Variants in RNF11 observed in about 807,000 individuals in gnomAD.
RNF11 encodes ring finger protein 11.
A neutral mutation model predicts 15.8 loss-of-function variants in RNF11; 4 were observed. The observed-to-expected ratio is 0.25, with a 90% CI of 0.12 to 0.58. RNF11 has a LOEUF of 0.58. RNF11 is among the 20% of genes least tolerant of loss of function. The probability of loss-of-function intolerance (pLI) is 0.91; values close to 1 mark genes in which losing one functional copy is unlikely to be tolerated. For synonymous variants in RNF11, 68 were observed against 72.3 expected (o/e 0.94, Z 0.30); for missense variants, 139 against 194.4 (o/e 0.71, Z 1.70).
At chr1:51,237,034 C>T (rs1646806876) in intron 1 of RNF11, among the ~76,000 whole-genome samples, 155 bp downstream of exon 1, 1 of 152,114 alleles carries the variant, frequency 6.6e-6, no homozygotes, top group East Asian at 1.9e-4. Flanking sequence ...GCTCTCTGAT[C>T]TCAGAGTAAG....
intron 1 of RNF11, among the ~76,000 whole-genome samples, chr1:51,245,632 T>C (rs1485175723): frequency 6.6e-6 from 1 of 152,052 alleles, no homozygotes; most frequent in East Asian, 1.9e-4. Context: ...TTTGTATTTT[T>C]AGTAGAGATG....
At chr1:51,251,056 T>G (rs1281351874) in intron 1 of RNF11, 5 of 1,539,464 alleles carry the variant, frequency 3.2e-6, no homozygotes, top group Admixed American at 1.7e-5. Context: ...TTGGAGCACT[T>G]AACACCCAGA....
chr1:51,241,857 G>C (rs1259608776), intron 1 of RNF11, among the ~76,000 whole-genome samples: 7 of 152,176 alleles, frequency 4.6e-5, no homozygotes, highest in Admixed American at 2.0e-4. Flanking sequence ...AGCCCTGAAA[G>C]GCATATGTAA....
intron 1 of RNF11, among the ~76,000 whole-genome samples, chr1:51,252,911 C>T (rs1301729194): frequency 6.6e-6 from 1 of 151,584 alleles, no homozygotes; most frequent in Non-Finnish European, 1.5e-5. Flanking sequence ...ACTGCAACCT[C>T]CACCTCCCAG....
At chr1:51,264,317 T>TATATATATATACAC (rs376694497) in intron 1 of RNF11, among the ~76,000 whole-genome samples, 69 of 75,454 alleles carry the variant, frequency 9.1e-4, no homozygotes, top group Non-Finnish European at 1.3e-3. Context: ...TATATATATA[T>TATATATATATACAC]ACACACACAC....
intron 1 of RNF11, among the ~76,000 whole-genome samples, chr1:51,256,783 C>T (rs764398924): frequency 3.0e-4 from 45 of 152,156 alleles, no homozygotes; most frequent in Non-Finnish European, 5.9e-4. Flanking sequence ...AAGCGATTCT[C>T]GTGCCTTAGC....
At chr1:51,241,243 T>C (rs1646827820) in intron 1 of RNF11, among the ~76,000 whole-genome samples, 2 of 152,300 alleles carry the variant, frequency 1.3e-5, no homozygotes, top group African/African-American at 2.4e-5. Flanking sequence ...GCACTTCTAC[T>C]CTGCCTGGCT....
Position 51,272,693 on chromosome 1 carries a change from T to C in RNF11, c.*1371T>C, listed in dbSNP as rs1216233052. ...TTCATATGTACTCAAAGGTGACTTATTGGTTCACCTCAGTGATATTACAGC... is the reference window on the plus strand; with the variant it reads ...TTCATATGTACTCAAAGGTGACTTACTGGTTCACCTCAGTGATATTACAGC... On this transcript the variant is annotated 3_prime_UTR_variant, in exon 3 of 3. Coordinates refer to ENST00000242719, the MANE Select transcript of RNF11 (RefSeq NM_014372.5). 2 of 152,196 alleles carry C rather than the reference T, an allele frequency of 1.3e-5. No individual in the cohort carries two copies. Among genetic ancestry groups the C allele is most frequent in the Admixed American group, 6.5e-5 (1 of 15,272 alleles). The allele number at this position is 152,196 out of a possible 1,614,324, so 9.4% of individuals were successfully genotyped here. A position where few individuals can be genotyped will look rare whatever the true frequency, so the allele number is the denominator to read the frequency against.
At chr1:51,237,356 C>A (rs142603077) in intron 1 of RNF11, among the ~76,000 whole-genome samples, 1 of 151,152 alleles carries the variant, frequency 6.6e-6, no homozygotes, top group South Asian at 2.1e-4. Context: ...GGTTTTCCCT[C>A]TGCTTGGGAG....
At position 51,245,854 on chromosome 1, in the gene RNF11, C is replaced by G. The variant is rs536807582; in HGVS notation, c.123+8975C>G. On this transcript the variant is annotated intron_variant, in intron 1 of 2. Coordinates refer to ENST00000242719, the MANE Select transcript of RNF11 (RefSeq NM_014372.5). Reference sequence around the variant, plus strand: ...AATACATAAAAGACATATTTGCAAACGACTTGAGGCAAGAAAAGAAATACA... The same window carrying G: ...AATACATAAAAGACATATTTGCAAAGGACTTGAGGCAAGAAAAGAAATACA... Among the ~76,000 whole-genome samples the G allele has an allele frequency of 2.6e-5, 4 of 152,306 alleles. No individual in the cohort carries two copies. The South Asian group carries it at 8.3e-4, about 32-fold the overall frequency.
At chr1:51,266,455 A>G (rs1344599279) in intron 1 of RNF11, among the ~76,000 whole-genome samples, 1 of 150,794 alleles carries the variant, frequency 6.6e-6, no homozygotes, top group African/African-American at 2.4e-5. Flanking sequence ...TTGTTATTTA[A>G]TCCAAATCAT....
rs936906835 is a variant in RNF11 at position 51,236,337 on chromosome 1, C to G, written c.-420C>G. On this transcript the variant is annotated 5_prime_UTR_variant, in exon 1 of 3. Transcript: ENST00000242719. ...CTGAGGCGGAGTAGGATGAGGCCCG[C>G]GGCCGTGGCTCCGGCGTCGGCGGGG... The G allele has an allele frequency of 1.9e-5, 3 of 154,326 alleles. No homozygotes were observed. Among genetic ancestry groups the G allele is most frequent in the Non-Finnish European group, 4.3e-5 (3 of 69,524 alleles). The allele number at this position is 154,326 out of a possible 1,614,324, so 9.6% of individuals were successfully genotyped here. A position where few individuals can be genotyped will look rare whatever the true frequency, so the allele number is the denominator to read the frequency against.
intron 1 of RNF11, among the ~76,000 whole-genome samples, chr1:51,242,498 C>G (rs1346768708): frequency 6.6e-6 from 1 of 151,742 alleles, no homozygotes; most frequent in African/African-American, 2.4e-5. Context: ...ACAAACAAAA[C>G]CAAAAACCCT....
At chr1:51,264,329 C>T (rs752117890) in intron 1 of RNF11, among the ~76,000 whole-genome samples, 65 of 122,866 alleles carry the variant, frequency 5.3e-4, no homozygotes, top group Non-Finnish European at 9.6e-4. Flanking sequence ...CACACACACA[C>T]ACACACACAC....
At chr1:51,267,330 C>G (rs183049027) in intron 1 of RNF11, among the ~76,000 whole-genome samples, 6 of 152,334 alleles carry the variant, frequency 3.9e-5, no homozygotes, top group Admixed American at 3.9e-4. Flanking sequence ...CAACCTAGCA[C>G]TGGCGTTGGA....
chr1:51,247,704 T>C (rs764963219), intron 1 of RNF11, among the ~76,000 whole-genome samples: 32 of 152,312 alleles, frequency 2.1e-4, no homozygotes, highest in Middle Eastern at 3.4e-3. Context: ...CTTAGATGAG[T>C]TCCTTATTTT....
At chr1:51,247,961 CA>C (rs1646859616) in intron 1 of RNF11, among the ~76,000 whole-genome samples, 1 of 152,074 alleles carries the variant, frequency 6.6e-6, no homozygotes, top group Admixed American at 6.6e-5. Flanking sequence ...ATAATTGACC[CA>C]GTTAGTTAAA....
rs888155430 is a variant in RNF11, at chr1:51,258,577, C to G, written c.124-11379C>G. 2.0e-5 allele frequency among the ~76,000 whole-genome samples: 3 copies of G among 152,154 alleles called. No homozygotes were observed. The East Asian group carries it at 5.8e-4, about 29-fold the overall frequency. The stretch of plus-strand genomic sequence containing the variant: ...TGAAATGGGTCTTCTAAAAATGTTT[C>G]ATAAATCCTAAAGGTAGGCACAACA... On this transcript the variant is annotated intron_variant, in intron 1 of 2. Transcript: ENST00000242719.
chr1:51,252,081 CAAAA>C (rs928146865), intron 1 of RNF11, among the ~76,000 whole-genome samples: 3 of 53,650 alleles, frequency 5.6e-5, no homozygotes, highest in African/African-American at 7.1e-5. Flanking sequence ...CATCTCAAAG[CAAAA>C]AAAAAAAAAA....
Sources: allele counts gnomAD v4.1 joint callset (sites outside exome capture counted in the v4.1 genomes callset), GRCh38; gene constraint gnomAD v4.1.1; transcripts MANE v1.5; gene names NCBI Gene and HGNC (gene_info 2026-07-23, HGNC 2026-07-21).